HEPH: variants seen among roughly 807,000 people sequenced by gnomAD.
HEPH encodes the protein hephaestin.
In HEPH, 69 loss-of-function variants were observed where a neutral mutation model predicts 80.8. That is an observed-to-expected ratio of 0.85 (90% CI 0.70 to 1.04). The LOEUF is 1.04. Ranked by LOEUF, HEPH falls within the 50% of genes least tolerant of loss-of-function variation. The pLI is 0.00. For missense variants in HEPH, 1,115 were observed against 891.3 expected (o/e 1.25, Z -3.20); for synonymous variants, 431 against 322.8 (o/e 1.34, Z -3.60).
In HEPH at chrX:66,263,692, C is replaced by A; in HGVS notation, c.3244+4C>A. Reference sequence around the variant, plus strand: ...ATCACCAAAGAGACTGAAAAAGGTACGTAAAATGATGCACAGACTGGGTAC... The same window carrying A: ...ATCACCAAAGAGACTGAAAAAGGTAAGTAAAATGATGCACAGACTGGGTAC... On this transcript the variant is annotated splice_donor_region_variant and intron_variant, in intron 20 of 20. Transcript: ENST00000343002. The A allele has an allele frequency of 3.3e-6, 4 of 1,205,974 alleles. No individual in the cohort carries two copies. Among genetic ancestry groups the A allele is most frequent in the Non-Finnish European group, 4.5e-6 (4 of 890,936 alleles).
At chrX:66,195,063 C>T in intron 8 of HEPH, 35 bp from the exon 9 acceptor site, 2 of 1,112,455 alleles carry the variant, frequency 1.8e-6, no homozygotes, top group Non-Finnish European at 2.4e-6. Flanking sequence ...TTATCCCTTT[C>T]ATCATTCTCA....
At chrX:66,197,322 T>G (rs1317004370) in intron 9 of HEPH, among the ~76,000 whole-genome samples, 4 of 110,827 alleles carry the variant, frequency 3.6e-5, no homozygotes, top group Non-Finnish European at 7.5e-5. Context: ...GAGTCCCCCA[T>G]CACTGGAGAG....
chrX:66,232,308 G>A (rs1035428618), intron 15 of HEPH, among the ~76,000 whole-genome samples: 3 of 110,920 alleles, frequency 2.7e-5, no homozygotes, highest in Admixed American at 9.7e-5. Flanking sequence ...GAGTTAGGGA[G>A]GATTCCCTCT....
intron 15 of HEPH, among the ~76,000 whole-genome samples, chrX:66,213,704 C>A (rs1425496508): frequency 1.8e-5 from 2 of 111,177 alleles, no homozygotes; most frequent in Non-Finnish European, 3.8e-5. Flanking sequence ...CTGATGAAAT[C>A]ACACTAGTGT....
chrX:66,193,536 C>T lies in HEPH; in HGVS notation c.1267C>T (p.Arg423Ter), dbSNP rs1484807584. The T allele has an allele frequency of 4.2e-6, 5 of 1,182,643 alleles. No individual in the cohort carries two copies. Among genetic ancestry groups the T allele is most frequent in the Admixed American group, 4.5e-5 (2 of 44,017 alleles). The change falls in exon 8 of 21, where the codon CGA becomes TGA. Residue 423 changes from arginine (R) to a stop codon, truncating the protein, a stop_gained. Coordinates refer to ENST00000343002, the MANE Select transcript of HEPH (RefSeq NM_001367233.3). LOFTEE classifies it high-confidence loss of function. ...SDKFFQKSSS[R>*]IGGTYWKVRY... ...TAAGTTTTTCCAGAAGAGCTCCAGC[C>T]GAATTGGGGGCACTTACTGGAAAGT... is the stretch of plus-strand genomic sequence containing the variant.
intron 4 of HEPH, among the ~76,000 whole-genome samples, chrX:66,174,159 C>T (rs2086709502): frequency 9.1e-6 from 1 of 109,458 alleles, no homozygotes; most frequent in African/African-American, 3.3e-5. Flanking sequence ...ATCCCTCGTG[C>T]CCCCCCAGCC....
intron 4 of HEPH, among the ~76,000 whole-genome samples, chrX:66,180,738 G>A (rs1220764593): frequency 1.2e-5 from 1 of 81,795 alleles, no homozygotes; most frequent in Non-Finnish European, 2.2e-5. Flanking sequence ...GGGTACATGT[G>A]CACATTGTGC....
chrX:66,188,406 G>A lies in HEPH; in HGVS notation c.673G>A (p.Asp225Asn). 1 of 1,204,233 alleles carries A rather than the reference G, an allele frequency of 8.3e-7. No homozygotes were observed. Among genetic ancestry groups the A allele is most frequent in the African/African-American group, 1.7e-5 (1 of 57,727 alleles). The change falls in exon 5 of 21, where the codon GAT becomes AAT. Residue 225 changes from aspartate (D) to asparagine (N), a missense_variant. Asp to Asn is a conservative substitution (Grantham distance 23, BLOSUM62 1). This residue lies in a region of HEPH where 391 missense variants were observed against 343.6 expected (regional missense o/e 1.14). Coordinates refer to ENST00000343002, the MANE Select transcript of HEPH (RefSeq NM_001367233.3). ...TCCTCAACGCCAGGATGTAGACCAT[G>A]ATTTCTTCCTCCTCTTCAGTGTGGT... ...SPPQRQDVDH[D>N]FFLLFSVVDE... is the part of the protein sequence containing the mutation.
At position 66,193,645 on chromosome X, in the gene HEPH, A is replaced by G; in HGVS notation, c.1369+7A>G. ...AGGCATCTTGGAATCCTGGGTGAGG[A>G]ATTTTTAAATTATGAAATTCATTTA... On this transcript the variant is annotated splice_region_variant and intron_variant, in intron 8 of 20. Transcript: ENST00000343002. 1 of 1,162,913 alleles carries G rather than the reference A, an allele frequency of 8.6e-7. No individual in the cohort carries two copies.
At chrX:66,206,748 G>T (rs185541130) in intron 13 of HEPH, among the ~76,000 whole-genome samples, 5 of 110,251 alleles carry the variant, frequency 4.5e-5, no homozygotes, top group Non-Finnish European at 7.6e-5. Flanking sequence ...AGGTGTGGTG[G>T]CTCATGCCTG....
chrX:66,261,016 A>G (rs2091343253), intron 19 of HEPH, among the ~76,000 whole-genome samples: 1 of 111,838 alleles, frequency 8.9e-6, no homozygotes, highest in South Asian at 3.7e-4. Flanking sequence ...TGCAGCAGCA[A>G]TCCTCCCGCC....
chrX:66,244,745 A>G (rs2090736020), intron 15 of HEPH, among the ~76,000 whole-genome samples: 2 of 111,220 alleles, frequency 1.8e-5, no homozygotes, highest in African/African-American at 6.5e-5. Flanking sequence ...TTGAGTTTTC[A>G]GAGTTTGTGT....
chrX:66,201,021 T>C (rs1036786778), intron 12 of HEPH, among the ~76,000 whole-genome samples: 8 of 111,493 alleles, frequency 7.2e-5, no homozygotes, highest in African/African-American at 1.6e-4. Flanking sequence ...GTTGCTCAGC[T>C]TTAGTGAAGT....
chrX:66,235,179 G>C (rs930157691), intron 15 of HEPH, among the ~76,000 whole-genome samples: 13 of 111,419 alleles, frequency 1.2e-4, no homozygotes, highest in African/African-American at 2.9e-4. Context: ...TTCTTTCACT[G>C]TGTAGAAACT....
intron 15 of HEPH, among the ~76,000 whole-genome samples, chrX:66,240,890 A>C (rs765916414): frequency 1.8e-5 from 2 of 112,157 alleles, no homozygotes; most frequent in African/African-American, 6.5e-5. Flanking sequence ...TGCAAGGTCA[A>C]CATAAAAGAA....
chrX:66,243,247 A>C (rs1034903473), intron 15 of HEPH, among the ~76,000 whole-genome samples: 1 of 112,115 alleles, frequency 8.9e-6, no homozygotes, highest in Non-Finnish European at 1.9e-5. Context: ...CAAATACTGC[A>C]TGTTTTCACT....
intron 15 of HEPH, among the ~76,000 whole-genome samples, chrX:66,213,262 C>T (rs1336681784): frequency 9.2e-6 from 1 of 108,278 alleles, no homozygotes; most frequent in Non-Finnish European, 1.9e-5. Flanking sequence ...TCAGTTCCCA[C>T]CTATGAGTGA....
At chrX:66,169,694 C>A (rs751032206) in intron 1 of HEPH, among the ~76,000 whole-genome samples, 8 of 112,235 alleles carry the variant, frequency 7.1e-5, no homozygotes, top group Non-Finnish European at 1.3e-4. Flanking sequence ...GTGCACAAAT[C>A]GTGTTTATAG....
Position 66,170,678 on chromosome X carries a change from G to C in HEPH, c.108G>C (p.Gln36His). 8.3e-7 allele frequency: 1 copy of C among 1,210,706 alleles called. No individual in the cohort carries two copies. The highest frequency in any genetic ancestry group is 1.7e-5 in the African/African-American group (1 of 57,844). Reference protein sequence around the residue: ...RVYYLGIRDVQWNYAPKGRNV... With the variant: ...RVYYLGIRDVHWNYAPKGRNV... ...ACTACCTGGGCATCCGGGATGTGCAGTGGAACTATGCTCCCAAGGGAAGAA... is the reference window on the plus strand; with the variant it reads ...ACTACCTGGGCATCCGGGATGTGCACTGGAACTATGCTCCCAAGGGAAGAA... The change falls in exon 2 of 21, where the codon CAG (glutamine) becomes CAC (histidine). Residue 36 changes from glutamine (Q) to histidine (H), a missense_variant. Coordinates refer to ENST00000343002, the MANE Select transcript of HEPH (RefSeq NM_001367233.3).
Sources: gnomAD v4.1 joint callset for allele counts (sites outside exome capture counted in the v4.1 genomes callset) on GRCh38, gnomAD v4.1.1 for gene constraint, gnomAD v4.1.1 regional missense constraint, MANE v1.5 for transcripts, NCBI Gene and HGNC (gene_info 2026-07-23, HGNC 2026-07-21) for gene names.